The following MED13L variants were observed in gnomAD, a reference collection of about 807,000 sequenced individuals.
The protein encoded by MED13L is mediator of RNA polymerase II transcription subunit 13-like.
A neutral mutation model predicts 220.9 loss-of-function variants in MED13L; 7 were observed. The observed-to-expected ratio is 0.03, with a 90% CI of 0.02 to 0.06. MED13L has a LOEUF of 0.06. Among genes scored for constraint, MED13L ranks in the 10% least tolerant of loss-of-function variants. The pLI, the probability that MED13L is intolerant of heterozygous loss-of-function variation, is 1.00. For synonymous variants in MED13L, 1,011 were observed against 1,015.2 expected (o/e 1.00, Z 0.08); for missense variants, 1,965 against 2,760.5 (o/e 0.71, Z 6.46).
In MED13L at chr12:115,972,071, A is replaced by T; in HGVS notation, c.5890+7T>A. 3 of 1,613,724 alleles carry T rather than the reference A, an allele frequency of 1.9e-6. No homozygotes were observed. The highest frequency in any genetic ancestry group is 2.5e-6 in the Non-Finnish European group (3 of 1,179,800). ...GTAATTAATGACAATGACAAGAAGA[A>T]ATTTACCTGGCATCACTACAAAGGA... On this transcript the variant is annotated splice_region_variant and intron_variant, in intron 26 of 30. Transcript: ENST00000281928.
At chr12:116,237,323 G>T in intron 2 of MED13L, 145 bp downstream of exon 2, 1 of 712,004 alleles carries the variant, frequency 1.4e-6, no homozygotes, top group Non-Finnish European at 2.4e-6. Flanking sequence ...GGAGGAAGAG[G>T]GGTGAGAATG....
intron 4 of MED13L, among the ~76,000 whole-genome samples, chr12:116,076,597 G>A (rs1013387981): frequency 6.6e-6 from 1 of 151,950 alleles, no homozygotes; most frequent in African/African-American, 2.4e-5. Flanking sequence ...ACAGTCCCAG[G>A]GCACATTAAT....
At position 116,277,016 on chromosome 12, in the gene MED13L, C is replaced by T. The variant is rs979101812; in HGVS notation, c.72+44G>A. The T allele has an allele frequency of 2.9e-6, 4 of 1,388,670 alleles. 1 individual carries two copies. Among genetic ancestry groups the T allele is most frequent in the Admixed American group, 2.0e-5 (1 of 50,842 alleles). 86.0% of individuals were successfully genotyped at this position (1,388,670 alleles called of 1,614,324 possible). On this transcript the variant is annotated intron_variant, in intron 1 of 30. Coordinates refer to ENST00000281928, the MANE Select transcript of MED13L (RefSeq NM_015335.5). ...TCGGCGGCGGAGGTCGGGGACCCCC[C>T]CCCTTCCCCGGCACAGCCCCCTCCC...
At chr12:115,969,868 G>A (rs1055162938) in intron 27 of MED13L, among the ~76,000 whole-genome samples, 3 of 151,942 alleles carry the variant, frequency 2.0e-5, no homozygotes, top group Non-Finnish European at 4.4e-5. Flanking sequence ...TAAAAGTAAG[G>A]TACACTCACA....
Position 115,996,555 on chromosome 12 carries a change from G to A in MED13L, c.2917C>T (p.Arg973Trp). Reference protein sequence around the residue: ...PLKIPDACLFRPSWAIPPKIE... With the variant: ...PLKIPDACLFWPSWAIPPKIE... ...TTAGGAGGAATTGCCCATGAAGGCCGAAACAGACAGGCATCAGGTATCTTC... is the reference window on the plus strand; with the variant it reads ...TTAGGAGGAATTGCCCATGAAGGCCAAAACAGACAGGCATCAGGTATCTTC... Residue 973 changes from arginine (R) to tryptophan (W), a missense_variant, in exon 16 of 31, where the codon CGG (arginine) becomes TGG (tryptophan). Physicochemically the swap from Arg to Trp is moderately radical, Grantham distance 101 (BLOSUM62 -3). Around this residue, in one of 10 missense-constraint regions of MED13L, gnomAD observed 233 missense variants for 306.2 expected, o/e 0.76. Transcript: ENST00000281928. 4 of 1,614,188 alleles carry A rather than the reference G, an allele frequency of 2.5e-6. No homozygotes were observed. Among genetic ancestry groups the A allele is most frequent in the Non-Finnish European group, 2.5e-6 (3 of 1,180,024 alleles).
intron 2 of MED13L, among the ~76,000 whole-genome samples, chr12:116,198,313 G>T (rs1270555917): frequency 1.3e-5 from 2 of 151,996 alleles, no homozygotes; most frequent in Non-Finnish European, 2.9e-5. Context: ...CAACCCAAGG[G>T]TATTCAACAT....
chr12:116,100,315 T>C (rs1206529914), intron 3 of MED13L, among the ~76,000 whole-genome samples: 1 of 151,704 alleles, frequency 6.6e-6, no homozygotes, highest in Admixed American at 6.6e-5. Flanking sequence ...TAAAAAAAAA[T>C]TGGCTGGGCA....
Position 116,007,312 on chromosome 12 carries a change from C to G in MED13L, c.2238+99G>C. Reference sequence around the variant, plus strand: ...ATGGGGACAGAGCAATCAGGCAAGACTATCTCAAACGTTCTGCCTCCAAAG... The same window carrying G: ...ATGGGGACAGAGCAATCAGGCAAGAGTATCTCAAACGTTCTGCCTCCAAAG... On this transcript the variant is annotated intron_variant, in intron 11 of 30. Coordinates refer to ENST00000281928, the MANE Select transcript of MED13L (RefSeq NM_015335.5). 5.5e-6 allele frequency: 6 copies of G among 1,084,382 alleles called. No homozygotes were observed. In the South Asian group the frequency reaches 7.6e-5, roughly 14 times the overall value. 67.2% of individuals were successfully genotyped at this position (1,084,382 alleles called of 1,614,324 possible).
At chr12:116,059,418 T>C (rs977402943) in intron 4 of MED13L, among the ~76,000 whole-genome samples, 6 of 120,480 alleles carry the variant, frequency 5.0e-5, no homozygotes, top group Non-Finnish European at 1.0e-4. Flanking sequence ...TATACCGTAC[T>C]TTTTTTTTTT....
chr12:116,234,619 T>C (rs1235755050), intron 2 of MED13L, among the ~76,000 whole-genome samples: 1 of 152,156 alleles, frequency 6.6e-6, no homozygotes, highest in Non-Finnish European at 1.5e-5. Context: ...GGTAATCTCA[T>C]GCTTAACATT....
intron 4 of MED13L, among the ~76,000 whole-genome samples, chr12:116,075,854 T>C (rs979275890): frequency 2.6e-5 from 4 of 152,158 alleles, no homozygotes; most frequent in East Asian, 1.9e-4. Context: ...TCAATTGCAG[T>C]TGTGTGAGAT....
intron 1 of MED13L, among the ~76,000 whole-genome samples, chr12:116,254,731 G>T (rs750156465): frequency 8.6e-5 from 13 of 152,024 alleles, no homozygotes; most frequent in Non-Finnish European, 1.6e-4. Flanking sequence ...CACCCAGCCT[G>T]GGTGACAGAG....
intron 4 of MED13L, among the ~76,000 whole-genome samples, chr12:116,026,680 T>C (rs1880413856): frequency 6.6e-6 from 1 of 152,162 alleles, no homozygotes; most frequent in African/African-American, 2.4e-5. Context: ...ATCCCAACTA[T>C]TAAATTCTAT....
At chr12:115,988,732 G>T (rs1265066978) in intron 17 of MED13L, among the ~76,000 whole-genome samples, 1 of 152,020 alleles carries the variant, frequency 6.6e-6, no homozygotes, top group Admixed American at 6.6e-5. Flanking sequence ...GTACTTTTAG[G>T]CATCTTAAAA....
At chr12:116,255,078 G>A (rs187489442) in intron 1 of MED13L, among the ~76,000 whole-genome samples, 3 of 152,148 alleles carry the variant, frequency 2.0e-5, no homozygotes, top group East Asian at 3.9e-4. Flanking sequence ...AAAACACCCA[G>A]AAGAATCAAT....
chr12:116,151,873 T>A (rs1337475310), intron 2 of MED13L, among the ~76,000 whole-genome samples: 4 of 152,212 alleles, frequency 2.6e-5, no homozygotes, highest in African/African-American at 7.2e-5. Context: ...CTACTCCCTA[T>A]CCTTTCTCAC....
At chr12:116,156,620 G>C (rs1181333352) in intron 2 of MED13L, among the ~76,000 whole-genome samples, 1 of 152,096 alleles carries the variant, frequency 6.6e-6, no homozygotes, top group Non-Finnish European at 1.5e-5. Context: ...AAAAGAAAAT[G>C]TTTAAGTTCA....
intron 4 of MED13L, among the ~76,000 whole-genome samples, chr12:116,022,905 G>C (rs1880145592): frequency 6.6e-6 from 1 of 152,122 alleles, no homozygotes; most frequent in Non-Finnish European, 1.5e-5. Flanking sequence ...GAAGGAATTG[G>C]AATAGTTTTC....
chr12:116,155,184 G>A (rs1878338368), intron 2 of MED13L, among the ~76,000 whole-genome samples: 1 of 152,172 alleles, frequency 6.6e-6, no homozygotes, highest in South Asian at 2.1e-4. Flanking sequence ...AGCACTTTGG[G>A]AGGCCAAGGC....
Sources: gnomAD v4.1 joint callset for allele counts (sites outside exome capture counted in the v4.1 genomes callset) on GRCh38, gnomAD v4.1.1 for gene constraint, gnomAD v4.1.1 regional missense constraint, MANE v1.5 for transcripts, NCBI Gene and HGNC (gene_info 2026-07-23, HGNC 2026-07-21) for gene names.